Variants in TRPM7 observed in about 807,000 individuals in gnomAD.
TRPM7 encodes LTRPC ion channel family member 7.
A neutral mutation model predicts 229.7 loss-of-function variants in TRPM7; 134 were observed. That is an observed-to-expected ratio of 0.58 (90% CI 0.51 to 0.67). The LOEUF is 0.67. TRPM7 is among the 30% of genes least tolerant of loss of function. The probability of loss-of-function intolerance (pLI) is 0.00; values close to 1 mark genes in which losing one functional copy is unlikely to be tolerated. For synonymous variants in TRPM7, 699 were observed against 715.2 expected (o/e 0.98, Z 0.36); for missense variants, 1,901 against 2,210.0 (o/e 0.86, Z 2.80).
intron 13 of TRPM7, among the ~76,000 whole-genome samples, chr15:50,615,208 A>T (rs1245294084): frequency 6.6e-6 from 1 of 150,884 alleles, no homozygotes; most frequent in African/African-American, 2.4e-5. Flanking sequence ...TGGAAATGCT[A>T]ATCAGCCAAA....
chr15:50,563,147 TG>T (rs2053404044), intron 38 of TRPM7, among the ~76,000 whole-genome samples: 1 of 152,224 alleles, frequency 6.6e-6, no homozygotes, highest in African/African-American at 2.4e-5. Flanking sequence ...TGCCTGTTTT[TG>T]TAAGTAGTTT....
At chr15:50,649,751 T>C (rs2061364921) in intron 3 of TRPM7, among the ~76,000 whole-genome samples, 1 of 152,074 alleles carries the variant, frequency 6.6e-6, no homozygotes, top group Non-Finnish European at 1.5e-5. Flanking sequence ...AGCTGGGCAG[T>C]CTCATTGATT....
At chr15:50,621,002 A>G (rs1211477275) in intron 12 of TRPM7, among the ~76,000 whole-genome samples, 4 of 152,052 alleles carry the variant, frequency 2.6e-5, no homozygotes, top group Non-Finnish European at 5.9e-5. Context: ...TACTAAAAAT[A>G]CAAAAAATTA....
intron 13 of TRPM7, among the ~76,000 whole-genome samples, chr15:50,618,553 G>C (rs1024019041): frequency 1.3e-5 from 2 of 150,716 alleles, no homozygotes; most frequent in Admixed American, 1.3e-4. Context: ...CTGGGCGACA[G>C]AGCAAGATTC....
chr15:50,659,495 C>T (rs1386691131), intron 2 of TRPM7, among the ~76,000 whole-genome samples: 2 of 152,108 alleles, frequency 1.3e-5, no homozygotes, highest in Non-Finnish European at 2.9e-5. Flanking sequence ...AGTTCAACTA[C>T]TGTAGAAAGA....
At chr15:50,642,070 C>T (rs1292478107) in intron 5 of TRPM7, among the ~76,000 whole-genome samples, 4 of 151,018 alleles carry the variant, frequency 2.6e-5, no homozygotes, top group Admixed American at 2.6e-4. Context: ...TTATTTTAGA[C>T]AATGAAAGTA....
chr15:50,677,565 C>T (rs1461855391), intron 1 of TRPM7, among the ~76,000 whole-genome samples: 1 of 151,358 alleles, frequency 6.6e-6, no homozygotes, highest in Non-Finnish European at 1.5e-5. Context: ...ATGGTGAAAC[C>T]CCATCCCTAC....
chr15:50,600,059 T>C (rs1292666448), intron 21 of TRPM7, among the ~76,000 whole-genome samples: 1 of 152,236 alleles, frequency 6.6e-6, no homozygotes, highest in African/African-American at 2.4e-5. Flanking sequence ...AATGCTATAA[T>C]AAAACTTCAC....
chr15:50,582,361 CCAT>C (rs559744328), intron 29 of TRPM7: 43 of 152,074 alleles, frequency 2.8e-4, no homozygotes, highest in Admixed American at 2.8e-3. Context: ...TTTTTTATGT[CCAT>C]CATCACTTTA....
rs985951619 is a variant in TRPM7 at position 50,558,421 on chromosome 15, G to A, written c.*3257C>T. Reference sequence around the variant, plus strand: ...AATTAGTTGGGTGTTACCCAGGCATGGTGGCTCACACCTATAATCCCAGTA... The same window carrying A: ...AATTAGTTGGGTGTTACCCAGGCATAGTGGCTCACACCTATAATCCCAGTA... On this transcript the variant is annotated 3_prime_UTR_variant, in exon 39 of 39. Transcript: ENST00000646667. 1 of 152,114 alleles carries A rather than the reference G, an allele frequency of 6.6e-6. No individual in the cohort carries two copies. The highest frequency in any genetic ancestry group is 1.9e-4 in the East Asian group (1 of 5,192). The allele number at this position is 152,114 out of a possible 1,614,324, so 9.4% of individuals were successfully genotyped here.
chr15:50,592,319 C>G lies in TRPM7; in HGVS notation c.3916G>C (p.Asp1306His). The G allele has an allele frequency of 6.2e-7, 1 of 1,613,874 alleles. No homozygotes were observed. ...TGAAAAGGATTATTACTTTCAAGAT[C>G]ACCTTGAGGAAGAGAGGAGCTAAGT... ...NTLSSSLPQGDLESNNPFHCN... is the reference protein window; with the variant it reads ...NTLSSSLPQGHLESNNPFHCN... The change falls in exon 26 of 39, where the codon GAT becomes CAT. Residue 1306 changes from aspartate (D) to histidine (H), a missense_variant. By Grantham distance (81) the Asp-to-His change is moderately conservative. This residue lies in a region of TRPM7 where 533 missense variants were observed against 497.1 expected (regional missense o/e 1.07). Coordinates refer to ENST00000646667, the MANE Select transcript of TRPM7 (RefSeq NM_017672.6).
chr15:50,564,748 A>G (rs2053515588), intron 38 of TRPM7, among the ~76,000 whole-genome samples: 1 of 152,176 alleles, frequency 6.6e-6, no homozygotes, highest in Admixed American at 6.5e-5. Context: ...TTAATCTAAG[A>G]AACAGCCTAT....
intron 10 of TRPM7, among the ~76,000 whole-genome samples, chr15:50,630,051 G>A (rs1279685359): frequency 1.3e-5 from 2 of 151,798 alleles, no homozygotes; most frequent in East Asian, 1.9e-4. Flanking sequence ...TAGTAGAGAC[G>A]AGGTTTCGCC....
At chr15:50,626,373 C>T (rs2060559424) in intron 11 of TRPM7, among the ~76,000 whole-genome samples, 1 of 151,912 alleles carries the variant, frequency 6.6e-6, no homozygotes, top group South Asian at 2.1e-4. Context: ...AACCACTGCC[C>T]TAGAACAAAA....
chr15:50,632,282 G>C (rs1156650371), intron 9 of TRPM7, among the ~76,000 whole-genome samples: 1 of 144,706 alleles, frequency 6.9e-6, no homozygotes, highest in Non-Finnish European at 1.5e-5. Flanking sequence ...AATGGAGCGA[G>C]ACTCTGTCTC....
intron 2 of TRPM7, among the ~76,000 whole-genome samples, chr15:50,658,590 A>G (rs971357309): frequency 1.3e-5 from 2 of 151,642 alleles, no homozygotes; most frequent in African/African-American, 4.8e-5. Flanking sequence ...AAAAAAAGAC[A>G]TTATCTTGGC....
rs1312609407 is a variant in TRPM7 at position 50,611,205 on chromosome 15, T to A, written c.2168A>T (p.Lys723Met). 6.2e-7 allele frequency: 1 copy of A among 1,613,978 alleles called. No individual in the cohort carries two copies. The highest frequency in any genetic ancestry group is 1.7e-5 in the Admixed American group (1 of 60,002). The change falls in exon 17 of 39, where the codon AAG (lysine) becomes ATG (methionine). Residue 723 changes from lysine (K) to methionine (M), a missense_variant. This residue lies in a region of TRPM7 where 794 missense variants were observed against 881.9 expected (regional missense o/e 0.90). Coordinates refer to ENST00000646667, the MANE Select transcript of TRPM7 (RefSeq NM_017672.6). ...TCTAAGTCTTGAAGAAACTGCTAAC[T>A]TAAGGCAGGTTGAATTACTCCAGTT... ...LKNWSNSTCL[K>M]LAVSSRLRPF...
chr15:50,634,672 TA>T (rs931042042), intron 7 of TRPM7, 116 bp from the exon 8 acceptor site: 40 of 732,162 alleles, frequency 5.5e-5, no homozygotes, highest in Non-Finnish European at 6.9e-5. Context: ...GAAAAAAAAT[TA>T]AAAAGTAAAA....
At chr15:50,676,524 G>T (rs908393180) in intron 1 of TRPM7, among the ~76,000 whole-genome samples, 2 of 151,880 alleles carry the variant, frequency 1.3e-5, no homozygotes, top group African/African-American at 2.4e-5. Flanking sequence ...TTTGAGACCA[G>T]CCTGGTCAAC....
Sources: allele counts gnomAD v4.1 joint callset (sites outside exome capture counted in the v4.1 genomes callset), GRCh38; gene constraint gnomAD v4.1.1; regional missense constraint gnomAD v4.1.1; transcripts MANE v1.5; gene names NCBI Gene and HGNC (gene_info 2026-07-23, HGNC 2026-07-21).